Variants in NREP observed in about 807,000 individuals in gnomAD.
NREP encodes neuronal regeneration-related protein.
In NREP, 5 loss-of-function variants were observed where a neutral mutation model predicts 8.6. That is an observed-to-expected ratio of 0.58 (90% CI 0.30 to 1.22). The LOEUF is 1.22. Ranked by LOEUF, NREP falls within the 50% of genes most tolerant of loss-of-function variation. NREP has a pLI of 0.07. For missense variants in NREP, 86 were observed against 82.5 expected, an observed-to-expected ratio of 1.04 and a Z score of -0.17; for synonymous variants, 27 against 28.0, an observed-to-expected ratio of 0.96 and a Z score of 0.11.
At chr5:111,825,191 T>C (rs958433583) in intron 2 of NREP, among the ~76,000 whole-genome samples, 1 of 151,938 alleles carries the variant, frequency 6.6e-6, no homozygotes, top group Admixed American at 6.6e-5. Context: ...AAAATAAAAC[T>C]CAAATAAATA....
chr5:111,960,487 A>G (rs531303426), intron 2 of NREP, among the ~76,000 whole-genome samples: 1 of 152,248 alleles, frequency 6.6e-6, no homozygotes, highest in South Asian at 2.1e-4. Flanking sequence ...CAATAGAAAT[A>G]GATGGATCTT....
intron 1 of NREP, 24 bp downstream of exon 1, chr5:111,757,112 G>A: frequency 1.3e-6 from 1 of 746,526 alleles, no homozygotes; most frequent in Non-Finnish European, 1.6e-6. Flanking sequence ...CTCCCAGCCG[G>A]GGATAGGAAT....
intron 2 of NREP, among the ~76,000 whole-genome samples, chr5:111,735,844 T>C (rs1361809553): frequency 6.6e-6 from 1 of 152,230 alleles, no homozygotes; most frequent in East Asian, 1.9e-4. Flanking sequence ...AAGGATTCTA[T>C]AAGTATCCTT....
intron 2 of NREP, among the ~76,000 whole-genome samples, chr5:111,824,470 C>A (rs1752577253): frequency 6.6e-6 from 1 of 152,194 alleles, no homozygotes; most frequent in Admixed American, 6.5e-5. Context: ...AATTAAGTAA[C>A]CTAGTCATGG....
At chr5:111,783,368 T>C (rs1751537806) in intron 2 of NREP, among the ~76,000 whole-genome samples, 1 of 152,196 alleles carries the variant, frequency 6.6e-6, no homozygotes, top group Non-Finnish European at 1.5e-5. Context: ...ATATTCTATA[T>C]GTTGGGGAAA....
At chr5:111,806,796 A>G (rs148738437) in intron 2 of NREP, among the ~76,000 whole-genome samples, 56 of 152,274 alleles carry the variant, frequency 3.7e-4, no homozygotes, top group East Asian at 2.9e-3. Flanking sequence ...GAAATGAACT[A>G]AAGTGTGGAT....
At chr5:111,857,887 T>G (rs562870058) in intron 2 of NREP, among the ~76,000 whole-genome samples, 1 of 151,278 alleles carries the variant, frequency 6.6e-6, no homozygotes, top group Non-Finnish European at 1.5e-5. Context: ...ATAAAAGCAA[T>G]AGGAAGTGAC....
chr5:111,830,819 G>A (rs1463248335), intron 2 of NREP, among the ~76,000 whole-genome samples: 1 of 152,186 alleles, frequency 6.6e-6, no homozygotes, highest in Non-Finnish European at 1.5e-5. Context: ...CTACTGATAA[G>A]AGTTATACAG....
chr5:111,976,267 A>G (rs191222507), intron 1 of NREP, among the ~76,000 whole-genome samples: 6 of 152,354 alleles, frequency 3.9e-5, no homozygotes, highest in Admixed American at 3.3e-4. Flanking sequence ...AGAAAAACTA[A>G]TATTTGTTCT....
chr5:111,937,694 A>C (rs977988019), intron 2 of NREP, among the ~76,000 whole-genome samples: 3 of 151,950 alleles, frequency 2.0e-5, no homozygotes, highest in Admixed American at 6.6e-5. Flanking sequence ...CAAGTCCCCA[A>C]CTCCTTTGAA....
At chr5:111,773,003 A>G (rs946989925) in intron 2 of NREP, among the ~76,000 whole-genome samples, 1 of 152,174 alleles carries the variant, frequency 6.6e-6, no homozygotes, top group African/African-American at 2.4e-5. Context: ...TCAACATAGT[A>G]TTGATAATTC....
intron 2 of NREP, among the ~76,000 whole-genome samples, chr5:111,763,367 T>C (rs1191903354): frequency 6.6e-6 from 1 of 152,154 alleles, no homozygotes; most frequent in Non-Finnish European, 1.5e-5. Flanking sequence ...CTCTATAAAA[T>C]ATGATGAACA....
chr5:111,915,984 G>A (rs986712605), intron 2 of NREP, among the ~76,000 whole-genome samples: 2 of 152,050 alleles, frequency 1.3e-5, no homozygotes, highest in Non-Finnish European at 2.9e-5. Context: ...TGCCACAAAT[G>A]TGTTTAGGGC....
intron 2 of NREP, among the ~76,000 whole-genome samples, chr5:111,959,564 A>G (rs1423058924): frequency 1.3e-5 from 2 of 152,056 alleles, no homozygotes; most frequent in Non-Finnish European, 2.9e-5. Flanking sequence ...TATCCAGAAT[A>G]TATATTTTTG....
rs146389915 is a variant in NREP at position 111,950,464 on chromosome 5, T to C, written c.135+24810A>G. 4.5e-3 allele frequency among the ~76,000 whole-genome samples: 682 copies of C among 152,144 alleles called. 3 individuals are homozygous for C. Among genetic ancestry groups the C allele is most frequent in the Non-Finnish European group, 7.4e-3 (503 of 67,984 alleles). ...AAACCCTGGGAGAAAACCTAGGCAA[T>C]ACCATTCAGGACATATGCATGGGCG... On this transcript the variant is annotated intron_variant, in intron 2 of 3. Coordinates refer to the NREP transcript ENST00000395634.
chr5:111,755,583 T>C (rs1039249790), intron 2 of NREP, 187 bp downstream of exon 2: 48 of 641,814 alleles, frequency 7.5e-5, no homozygotes, highest in Non-Finnish European at 8.5e-6. Flanking sequence ...AAGAACTAAT[T>C]TGCCACATCC....
At chr5:111,743,843 C>A (rs907364023) in intron 2 of NREP, among the ~76,000 whole-genome samples, 2 of 152,086 alleles carry the variant, frequency 1.3e-5, no homozygotes, top group East Asian at 3.9e-4. Context: ...AATTTCTAGT[C>A]ACCAAGAATG....
chr5:111,799,764 T>A (rs980784178), intron 2 of NREP, among the ~76,000 whole-genome samples: 1 of 152,226 alleles, frequency 6.6e-6, no homozygotes, highest in African/African-American at 2.4e-5. Context: ...CAAAGGGTGT[T>A]ATTTACTTCA....
chr5:111,928,561 C>T (rs1023398394), intron 2 of NREP, among the ~76,000 whole-genome samples: 4 of 152,078 alleles, frequency 2.6e-5, no homozygotes, highest in African/African-American at 9.7e-5. Context: ...AGTTTGAGGC[C>T]TGATGAAATA....
Sources: gnomAD v4.1 joint callset for allele counts (sites outside exome capture counted in the v4.1 genomes callset) on GRCh38, gnomAD v4.1.1 for gene constraint, MANE v1.5 for transcripts, NCBI Gene and HGNC (gene_info 2026-07-23, HGNC 2026-07-21) for gene names.